Variants in MCMDC2 observed in about 807,000 individuals in gnomAD.
MCMDC2 encodes minichromosome maintenance domain-containing protein 2.
A neutral mutation model predicts 75.8 loss-of-function variants in MCMDC2; 54 were observed. That is an observed-to-expected ratio of 0.71 (90% CI 0.57 to 0.89). The LOEUF (loss-of-function observed/expected upper bound fraction) is 0.89, where lower values mean the gene tolerates loss of function less well. Ranked by LOEUF, MCMDC2 falls within the 40% of genes least tolerant of loss-of-function variation. The probability of loss-of-function intolerance (pLI) is 0.00; values close to 1 mark genes in which losing one functional copy is unlikely to be tolerated. For synonymous variants in MCMDC2, 249 were observed against 274.6 expected (o/e 0.91, Z 0.92); for missense variants, 656 against 780.4 (o/e 0.84, Z 1.90).
rs199914211 is a variant in MCMDC2, at chr8:66,877,481, A to G, written c.418A>G (p.Ile140Val). Residue 140 changes from isoleucine (I) to valine (V), a missense_variant, in exon 5 of 15, where the codon ATA (isoleucine) becomes GTA (valine). Physicochemically the swap from Ile to Val is conservative, Grantham distance 29. Coordinates refer to ENST00000422365, the MANE Select transcript of MCMDC2 (RefSeq NM_173518.5). ...AGGAATTGTGATTGCAATGACAACT[A>G]TAACCAAGTATACACAAGGGGCAAG... is the stretch of plus-strand genomic sequence containing the variant. The part of the protein sequence containing the change: ...MQGIVIAMTT[I>V]TKYTQGARFL... The G allele has an allele frequency of 1.2e-6, 2 of 1,613,188 alleles. No individual in the cohort carries two copies. The highest frequency in any genetic ancestry group is 1.1e-5 in the South Asian group (1 of 90,738).
chr8:66,901,116 T>G (rs1007739649), intron 12 of MCMDC2, 90 bp from the exon 13 acceptor site: 5 of 926,286 alleles, frequency 5.4e-6, no homozygotes, highest in Non-Finnish European at 6.7e-6. Context: ...TATGCAAACT[T>G]GTAAAAATAA....
intron 1 of MCMDC2, among the ~76,000 whole-genome samples, chr8:66,873,374 C>T (rs772367622): frequency 6.6e-6 from 1 of 152,146 alleles, no homozygotes; most frequent in Non-Finnish European, 1.5e-5. Flanking sequence ...TCTCAGGTTT[C>T]CCAGTTTAAT....
chr8:66,904,625 T>C (rs1812835769), intron 13 of MCMDC2, among the ~76,000 whole-genome samples: 1 of 152,178 alleles, frequency 6.6e-6, no homozygotes, highest in Admixed American at 6.5e-5. Flanking sequence ...TCAGCAGTCA[T>C]TCAGATACAT....
intron 14 of MCMDC2, among the ~76,000 whole-genome samples, chr8:66,912,267 T>C (rs1813148429): frequency 6.6e-6 from 1 of 152,128 alleles, no homozygotes; most frequent in South Asian, 2.1e-4. Flanking sequence ...GAATTAGAAG[T>C]GGAACCTGAA....
At chr8:66,888,964 G>C (rs1207680928) in intron 9 of MCMDC2, among the ~76,000 whole-genome samples, 2 of 152,214 alleles carry the variant, frequency 1.3e-5, no homozygotes, top group Non-Finnish European at 2.9e-5. Context: ...AGTGCAGGCT[G>C]TGGTTGAGAA....
rs766229576 is a variant in MCMDC2 at position 66,883,840 on chromosome 8, A to C, written c.919A>C (p.Asn307His). The C allele has an allele frequency of 1.2e-6, 2 of 1,613,986 alleles. No individual in the cohort carries two copies. The highest frequency in any genetic ancestry group is 4.5e-5 in the East Asian group (2 of 44,866). The change falls in exon 9 of 15, where the codon AAT (asparagine) becomes CAT (histidine). Residue 307 changes from asparagine to histidine, a missense_variant. Asn to His is a moderately conservative substitution (Grantham distance 68, BLOSUM62 1). Coordinates refer to ENST00000422365, the MANE Select transcript of MCMDC2 (RefSeq NM_173518.5). ...SCWKFTAILA[N>H]IFASQITPPG... ...CTGGAAGTTTACAGCAATACTTGCC[A>C]ATATCTTTGCATCACAAATTACCCC... is the stretch of plus-strand genomic sequence containing the variant.
chr8:66,873,864 G>A (rs1811142537), intron 1 of MCMDC2, among the ~76,000 whole-genome samples, 189 bp from the exon 2 acceptor site: 1 of 151,724 alleles, frequency 6.6e-6, no homozygotes, highest in South Asian at 2.1e-4. Context: ...TCCAGCCTGG[G>A]CAACAGAGCG....
intron 14 of MCMDC2, among the ~76,000 whole-genome samples, chr8:66,911,621 C>T (rs916680389): frequency 1.3e-5 from 2 of 152,006 alleles, no homozygotes; most frequent in South Asian, 2.1e-4. Context: ...ATCAGGAGTT[C>T]AAGACCAGCC....
chr8:66,874,084 C>A lies in MCMDC2; in HGVS notation c.-57C>A. 2 of 1,270,606 alleles carry A rather than the reference C, an allele frequency of 1.6e-6. No individual in the cohort carries two copies. The highest frequency in any genetic ancestry group is 1.1e-6 in the Non-Finnish European group (1 of 915,044). The allele number at this position is 1,270,606 out of a possible 1,614,324, so 78.7% of individuals were successfully genotyped here. ...ACATCCTTTCTATGAGTTTCGCCAT[C>A]TATAGCTTTTATCAACAATTGTGGT... On this transcript the variant is annotated 5_prime_UTR_variant, in exon 2 of 15. Coordinates refer to ENST00000422365, the MANE Select transcript of MCMDC2 (RefSeq NM_173518.5).
chr8:66,896,303 T>G lies in MCMDC2; in HGVS notation c.1413T>G (p.Asn471Lys). 1 of 1,609,608 alleles carries G rather than the reference T, an allele frequency of 6.2e-7. No homozygotes were observed. Among genetic ancestry groups the G allele is most frequent in the Non-Finnish European group, 8.5e-7 (1 of 1,179,242 alleles). The change falls in exon 11 of 15, where the codon AAT becomes AAG. Residue 471 changes from asparagine (N) to lysine (K), a missense_variant. Coordinates refer to ENST00000422365, the MANE Select transcript of MCMDC2 (RefSeq NM_173518.5). ...ATGTGGATTCATCTTCAAGGAGAAA[T>G]GCACAGAAAATCAACACTCTAATTG... ...FVDVDSSSRR[N>K]AQKINTLIGQ...
intron 8 of MCMDC2, among the ~76,000 whole-genome samples, chr8:66,883,470 A>G (rs773576228): frequency 6.6e-6 from 1 of 152,124 alleles, no homozygotes; most frequent in Non-Finnish European, 1.5e-5. Flanking sequence ...GTAAACTAGC[A>G]TGACCTCGAA....
Position 66,874,463 on chromosome 8 carries a change from CA to C in MCMDC2, c.225+14del, listed in dbSNP as rs750610429. On this transcript the variant is annotated splice_region_variant and intron_variant, in intron 3 of 14. Transcript: ENST00000422365. Reference sequence around the variant, plus strand: ...TGCTGAAGTCTTTCAATCAGTAAGTCAAAAAAAGAAATAATTTTATGCCACA... The same window carrying C: ...TGCTGAAGTCTTTCAATCAGTAAGTCAAAAAAGAAATAATTTTATGCCACA... 8.1e-6 allele frequency: 13 copies of C among 1,610,492 alleles called. No individual in the cohort carries two copies. The highest frequency in any genetic ancestry group is 1.1e-5 in the Non-Finnish European group (13 of 1,179,152).
Position 66,919,270 on chromosome 8 carries a change from C to T in MCMDC2, c.*101C>T, listed in dbSNP as rs1233739060. The T allele has an allele frequency of 1.1e-6, 1 of 876,062 alleles. No individual in the cohort carries two copies. Among genetic ancestry groups the T allele is most frequent in the South Asian group, 2.1e-5 (1 of 47,090 alleles). 54.3% of individuals were successfully genotyped at this position (876,062 alleles called of 1,614,324 possible). On this transcript the variant is annotated 3_prime_UTR_variant, in exon 15 of 15. Transcript: ENST00000422365. ...AGTAATGCTTTGATAATACTCTGTA[C>T]AGGAATATATTACAATACTGTTTTT...
intron 14 of MCMDC2, among the ~76,000 whole-genome samples, chr8:66,907,389 C>T (rs1812947497): frequency 6.6e-6 from 1 of 152,168 alleles, no homozygotes; most frequent in African/African-American, 2.4e-5. Flanking sequence ...ATCCATGTCC[C>T]TGCAAAGGAC....
At chr8:66,913,354 G>A (rs985105596) in intron 14 of MCMDC2, among the ~76,000 whole-genome samples, 3 of 152,050 alleles carry the variant, frequency 2.0e-5, no homozygotes, top group Non-Finnish European at 4.4e-5. Context: ...TCACTTTTTT[G>A]TGGTGATCTG....
chr8:66,878,294 T>C (rs1305806155), intron 5 of MCMDC2, among the ~76,000 whole-genome samples: 1 of 152,128 alleles, frequency 6.6e-6, no homozygotes, highest in East Asian at 1.9e-4. Flanking sequence ...CATATAGAAA[T>C]TGTGTGCTTA....
At position 66,909,210 on chromosome 8, in the gene MCMDC2, G is replaced by T. The variant is rs1813015309; in HGVS notation, c.1879+3875G>T. Among the ~76,000 whole-genome samples the T allele has an allele frequency of 2.0e-5, 3 of 152,182 alleles. No homozygotes were observed. In the South Asian group the frequency reaches 6.2e-4, roughly 31 times the overall value. On this transcript the variant is annotated intron_variant, in intron 14 of 14. Coordinates refer to ENST00000422365, the MANE Select transcript of MCMDC2 (RefSeq NM_173518.5). ...CTTCTGCCATGATTGTAAGTTTCCT[G>T]AGGCCTCCCCAGCCACGCTGAACTG...
intron 14 of MCMDC2, among the ~76,000 whole-genome samples, chr8:66,915,334 C>G (rs1203279845): frequency 6.6e-6 from 1 of 151,742 alleles, no homozygotes; most frequent in African/African-American, 2.4e-5. Context: ...CGTCTGTAAT[C>G]CCAACTACTC....
chr8:66,897,024 C>CAAA lies in MCMDC2; in HGVS notation c.1626+65_1626+66insAAA. On this transcript the variant is annotated intron_variant, in intron 12 of 14. Transcript: ENST00000422365. ...AATGTTTCTCAAATTATATAGAAGT[C>CAAA]CTTTTGAGTGCTGGATTTTCTTTAT... 4 of 1,380,732 alleles carry CAAA rather than the reference C, an allele frequency of 2.9e-6. No individual in the cohort carries two copies. In the South Asian group the frequency reaches 4.1e-5, roughly 14 times the overall value. The allele number at this position is 1,380,732 out of a possible 1,614,324, so 85.5% of individuals were successfully genotyped here. A position where few individuals can be genotyped will look rare whatever the true frequency, so the allele number is the denominator to read the frequency against.
Sources: allele counts gnomAD v4.1 joint callset (sites outside exome capture counted in the v4.1 genomes callset), GRCh38; gene constraint gnomAD v4.1.1; transcripts MANE v1.5; gene names NCBI Gene and HGNC (gene_info 2026-07-23, HGNC 2026-07-21).